Variants in ST3GAL6 observed in about 807,000 individuals in gnomAD.
ST3GAL6 encodes type 2 lactosamine alpha-2,3-sialyltransferase.
A neutral mutation model predicts 40.5 loss-of-function variants in ST3GAL6; 31 were observed. That is an observed-to-expected ratio of 0.77 (90% CI 0.58 to 1.03). The LOEUF (loss-of-function observed/expected upper bound fraction) is 1.03. ST3GAL6 is among the 50% of genes least tolerant of loss of function. The probability of loss-of-function intolerance (pLI) is 0.00; values close to 1 mark genes in which losing one functional copy is unlikely to be tolerated. For synonymous variants in ST3GAL6, 129 were observed against 136.9 expected (o/e 0.94, Z 0.40); for missense variants, 357 against 393.2 (o/e 0.91, Z 0.78).
upstream of ST3GAL6, chr3:98,762,969 A>G: frequency 5.1e-6 from 5 of 985,436 alleles, no homozygotes; most frequent in Non-Finnish European, 6.0e-6. Context: ...TCCTTGGGAT[A>G]TGAATGAAGC....
Position 98,791,676 on chromosome 3 carries a change from A to G in ST3GAL6, c.757-165A>G, listed in dbSNP as rs540137754. On this transcript the variant is annotated intron_variant, in intron 8 of 9. Transcript: ENST00000483910. Reference sequence around the variant, plus strand: ...TATATATTTTTTAGAGTTAAGGTATATATGCATACTCTTTGGGGCTTGAGC... The same window carrying G: ...TATATATTTTTTAGAGTTAAGGTATGTATGCATACTCTTTGGGGCTTGAGC... Among the ~76,000 whole-genome samples the G allele has an allele frequency of 2.0e-4, 31 of 152,338 alleles. No homozygotes were observed. In the South Asian group the frequency reaches 6.2e-3, roughly 31 times the overall value.
chr3:98,792,486 TA>T (rs1260597929), intron 9 of ST3GAL6, among the ~76,000 whole-genome samples: 1 of 151,740 alleles, frequency 6.6e-6, no homozygotes, highest in Non-Finnish European at 1.5e-5. Flanking sequence ...ATTTGTATTT[TA>T]TTTTTTTTAA....
intron 8 of ST3GAL6, among the ~76,000 whole-genome samples, chr3:98,788,742 C>CT (rs542752915): frequency 2.6e-5 from 4 of 152,170 alleles, no homozygotes; most frequent in Non-Finnish European, 4.4e-5. Flanking sequence ...TTTCATAACT[C>CT]TGTCTTCAGT....
intron 1 of ST3GAL6, among the ~76,000 whole-genome samples, chr3:98,740,514 A>G (rs1289700778): frequency 6.6e-6 from 1 of 152,100 alleles, no homozygotes; most frequent in Non-Finnish European, 1.5e-5. Flanking sequence ...ACTCAGTGCC[A>G]TTCTCCTTCT....
intron 8 of ST3GAL6, among the ~76,000 whole-genome samples, chr3:98,788,965 C>T (rs1372545324): frequency 6.6e-6 from 1 of 152,208 alleles, no homozygotes; most frequent in African/African-American, 2.4e-5. Flanking sequence ...GAAATGTTGG[C>T]ATTAAATTCT....
intron 4 of ST3GAL6, 145 bp downstream of exon 4, chr3:98,773,061 A>AT (rs377262516): frequency 1.7e-4 from 91 of 532,214 alleles, no homozygotes; most frequent in African/African-American, 1.6e-3. Flanking sequence ...AATGAAATGA[A>AT]TTACATTTTA....
Position 98,793,795 on chromosome 3 carries a change from T to G in ST3GAL6, c.*34T>G, listed in dbSNP as rs1321028525. 7.1e-7 allele frequency: 1 copy of G among 1,400,304 alleles called. No individual in the cohort carries two copies. The highest frequency in any genetic ancestry group is 1.3e-5 in the South Asian group (1 of 74,572). The allele number at this position is 1,400,304 out of a possible 1,614,324, so 86.7% of individuals were successfully genotyped here. ...ACTCAGAAGATGATGCTAACAGTGT[T>G]AGTTTTATTTTTGTACTGCAATTTT... On this transcript the variant is annotated 3_prime_UTR_variant, in exon 10 of 10. Transcript: ENST00000483910.
chr3:98,748,350 A>G (rs1273225819), intron 1 of ST3GAL6, among the ~76,000 whole-genome samples: 1 of 152,238 alleles, frequency 6.6e-6, no homozygotes, highest in Non-Finnish European at 1.5e-5. Flanking sequence ...GAGTCAGAAT[A>G]GTAGTGCACA....
intron 1 of ST3GAL6, among the ~76,000 whole-genome samples, chr3:98,752,726 C>T (rs1234957213): frequency 6.6e-6 from 1 of 152,238 alleles, no homozygotes; most frequent in Non-Finnish European, 1.5e-5. Flanking sequence ...CCGCCTCGGC[C>T]TCCCAAAGTG....
At chr3:98,746,135 C>T (rs1389055530) in intron 1 of ST3GAL6, among the ~76,000 whole-genome samples, 5 of 152,126 alleles carry the variant, frequency 3.3e-5, no homozygotes, top group African/African-American at 1.2e-4. Flanking sequence ...AATGATAGGG[C>T]TGCTCCATCT....
chr3:98,742,774 C>T (rs913596894), intron 1 of ST3GAL6, among the ~76,000 whole-genome samples: 1 of 150,356 alleles, frequency 6.7e-6, no homozygotes, highest in Non-Finnish European at 1.5e-5. Flanking sequence ...TCTTGGCTTA[C>T]AGCAACCTCC....
At chr3:98,735,083 A>C (rs1935417094) in intron 1 of ST3GAL6, among the ~76,000 whole-genome samples, 1 of 152,092 alleles carries the variant, frequency 6.6e-6, no homozygotes, top group Non-Finnish European at 1.5e-5. Context: ...CCTATTTGGC[A>C]CCCACTCTGA....
intron 5 of ST3GAL6, among the ~76,000 whole-genome samples, chr3:98,778,016 C>T (rs1192045301): frequency 6.6e-6 from 1 of 152,188 alleles, no homozygotes; most frequent in Admixed American, 6.5e-5. Context: ...CAGCTAGAAA[C>T]AGCAGCAACC....
upstream of ST3GAL6, among the ~76,000 whole-genome samples, chr3:98,762,295 A>AT (rs1177823096): frequency 3.9e-5 from 6 of 152,188 alleles, no homozygotes; most frequent in African/African-American, 1.4e-4. Flanking sequence ...TATACAGCTG[A>AT]TCTAATTTGT....
intron 1 of ST3GAL6, among the ~76,000 whole-genome samples, chr3:98,737,103 C>G (rs1935608219): frequency 6.6e-6 from 1 of 152,110 alleles, no homozygotes; most frequent in South Asian, 2.1e-4. Context: ...GGCTGGAGTG[C>G]AGTGGCTCGA....
At chr3:98,768,623 T>A in intron 2 of ST3GAL6, 94 bp downstream of exon 2, 1 of 897,890 alleles carries the variant, frequency 1.1e-6, no homozygotes, top group Non-Finnish European at 1.8e-6. Flanking sequence ...AAAAAACTTG[T>A]ACCATTTTGA....
chr3:98,741,089 C>CATGT (rs1491464891), intron 1 of ST3GAL6, among the ~76,000 whole-genome samples: 1 of 95,786 alleles, frequency 1.0e-5, no homozygotes, highest in African/African-American at 4.6e-5. Flanking sequence ...TGTGTGCATG[C>CATGT]ATGTATGTAC....
chr3:98,763,383 T>C lies in ST3GAL6; in HGVS notation c.-68T>C. 7.8e-7 allele frequency: 1 copy of C among 1,289,836 alleles called. No individual in the cohort carries two copies. Among genetic ancestry groups the C allele is most frequent in the South Asian group, 1.2e-5 (1 of 81,030 alleles). 79.9% of individuals were successfully genotyped at this position (1,289,836 alleles called of 1,614,324 possible). A position where few individuals can be genotyped will look rare whatever the true frequency, so the allele number is the denominator to read the frequency against. On this transcript the variant is annotated 5_prime_UTR_variant, in exon 1 of 10. Coordinates refer to ENST00000483910, the MANE Select transcript of ST3GAL6 (RefSeq NM_001323368.2). ...GCAGAGACTAGGATGGATGACGGCC[T>C]GTCCAGGGGCTGAATGGACACAGGT...
intron 1 of ST3GAL6, among the ~76,000 whole-genome samples, chr3:98,745,223 G>A (rs537820100): frequency 1.5e-4 from 23 of 152,058 alleles, no homozygotes; most frequent in African/African-American, 5.5e-4. Flanking sequence ...TAGTAGAGAC[G>A]GGGTTTCACC....
Sources: gnomAD v4.1 joint callset for allele counts (sites outside exome capture counted in the v4.1 genomes callset) on GRCh38, gnomAD v4.1.1 for gene constraint, MANE v1.5 for transcripts, NCBI Gene and HGNC (gene_info 2026-07-23, HGNC 2026-07-21) for gene names.